The following NLGN1 variants were observed in gnomAD, a reference collection of about 807,000 sequenced individuals.
NLGN1 encodes the protein neuroligin-1.
Under a neutral mutation model 65.5 loss-of-function variants are expected in NLGN1, and 12 were observed. The ratio of observed to expected loss-of-function variants is 0.18; its 90% CI spans 0.12 to 0.30. The LOEUF is 0.30. NLGN1 is among the 10% of genes least tolerant of loss of function. The pLI is 1.00. For missense variants in NLGN1, 750 were observed against 1,007.1 expected, an observed-to-expected ratio of 0.74 and a Z score of 3.46; for synonymous variants, 350 against 359.5, an observed-to-expected ratio of 0.97 and a Z score of 0.30.
intron 4 of NLGN1, among the ~76,000 whole-genome samples, chr3:173,854,013 A>G (rs952813886): frequency 2.0e-5 from 3 of 152,014 alleles, no homozygotes; most frequent in African/African-American, 7.2e-5. Context: ...TTAACATATA[A>G]CACTCTGATC....
At chr3:174,088,101 A>G (rs1366240603) in intron 4 of NLGN1, among the ~76,000 whole-genome samples, 1 of 152,224 alleles carries the variant, frequency 6.6e-6, no homozygotes, top group Admixed American at 6.5e-5. Flanking sequence ...AAGATATAAA[A>G]TAAAGTAATA....
chr3:174,037,156 A>G (rs1227893922), intron 4 of NLGN1, among the ~76,000 whole-genome samples: 5 of 152,126 alleles, frequency 3.3e-5, no homozygotes, highest in Non-Finnish European at 5.9e-5. Context: ...TTCTGTTTTT[A>G]GGTCTTTGAG....
intron 2 of NLGN1, among the ~76,000 whole-genome samples, chr3:173,579,192 C>A (rs1236468945): frequency 6.6e-6 from 1 of 152,208 alleles, no homozygotes; most frequent in East Asian, 1.9e-4. Context: ...GCTAAAATAT[C>A]TAGTCTTGGG....
chr3:174,117,286 TTA>T (rs1378770370), intron 4 of NLGN1, among the ~76,000 whole-genome samples: 1 of 151,536 alleles, frequency 6.6e-6, no homozygotes. Context: ...TTTCTTGAGT[TTA>T]TATATATAAT....
chr3:173,803,665 A>T (rs1715977179), intron 3 of NLGN1, among the ~76,000 whole-genome samples: 1 of 152,020 alleles, frequency 6.6e-6, no homozygotes, highest in East Asian at 1.9e-4. Flanking sequence ...TTTTTTGTAG[A>T]TTTTGAATAT....
chr3:173,523,795 G>A (rs1224376062), intron 2 of NLGN1, among the ~76,000 whole-genome samples: 1 of 151,498 alleles, frequency 6.6e-6, no homozygotes, highest in Admixed American at 6.6e-5. Context: ...TGTGAAAAAT[G>A]GCATTGACCA....
At chr3:173,755,058 G>T (rs1776886649) in intron 3 of NLGN1, among the ~76,000 whole-genome samples, 1 of 152,056 alleles carries the variant, frequency 6.6e-6, no homozygotes, top group African/African-American at 2.4e-5. Flanking sequence ...GTGTAAGAGA[G>T]AACATCATTT....
At chr3:174,187,371 T>A (rs973355501) in intron 4 of NLGN1, among the ~76,000 whole-genome samples, 2 of 152,028 alleles carry the variant, frequency 1.3e-5, no homozygotes, top group Admixed American at 1.3e-4. Flanking sequence ...TATTGACTTA[T>A]AATCTGGATG....
chr3:173,533,678 G>T (rs1324731611), intron 2 of NLGN1, among the ~76,000 whole-genome samples: 1 of 151,986 alleles, frequency 6.6e-6, no homozygotes, highest in Non-Finnish European at 1.5e-5. Context: ...TAGAAGCAAG[G>T]TTGATCATGT....
At chr3:173,845,073 C>A (rs946958512) in intron 4 of NLGN1, among the ~76,000 whole-genome samples, 4 of 152,156 alleles carry the variant, frequency 2.6e-5, no homozygotes, top group Non-Finnish European at 4.4e-5. Flanking sequence ...TATCAATGAC[C>A]TTAAAAGATA....
rs1174513532 is a variant in NLGN1, at chr3:173,735,321, C to CT, written c.494-72357dup. ...GAGTTTATTTTCATTCCTTTTCTCC[C>CT]TTGCACATGGAACTACTGAAACACT... On this transcript the variant is annotated intron_variant, in intron 3 of 6. Coordinates refer to ENST00000457714, the Ensembl canonical transcript of NLGN1. Among the ~76,000 whole-genome samples the CT allele has an allele frequency of 2.6e-5, 4 of 152,148 alleles. No homozygotes were observed. In the East Asian group the frequency reaches 7.7e-4, roughly 29 times the overall value.
At chr3:173,874,753 G>A (rs940052376) in intron 4 of NLGN1, among the ~76,000 whole-genome samples, 2 of 152,118 alleles carry the variant, frequency 1.3e-5, no homozygotes, top group Non-Finnish European at 2.9e-5. Flanking sequence ...AAAAGCTTAG[G>A]ATTAGAGACC....
intron 2 of NLGN1, among the ~76,000 whole-genome samples, chr3:173,497,303 G>A (rs575181031): frequency 2.8e-4 from 43 of 151,554 alleles, no homozygotes; most frequent in East Asian, 5.8e-4. Flanking sequence ...CAAGAGAATC[G>A]CTTGAATTCG....
intron 3 of NLGN1, among the ~76,000 whole-genome samples, chr3:173,740,422 A>G (rs983873849): frequency 6.6e-6 from 1 of 152,114 alleles, no homozygotes; most frequent in African/African-American, 2.4e-5. Context: ...TATTTTGCAC[A>G]TAGCACATTG....
At chr3:174,105,749 A>C (rs1443785046) in intron 4 of NLGN1, among the ~76,000 whole-genome samples, 1 of 151,836 alleles carries the variant, frequency 6.6e-6, no homozygotes, top group African/African-American at 2.4e-5. Context: ...TAGCATTTCC[A>C]CATTTTACCT....
chr3:174,095,603 A>G (rs1292424438), intron 4 of NLGN1, among the ~76,000 whole-genome samples: 1 of 151,648 alleles, frequency 6.6e-6, no homozygotes, highest in Non-Finnish European at 1.5e-5. Flanking sequence ...TTGTATATAT[A>G]CACACATGTA....
At chr3:174,056,777 A>G (rs927993980) in intron 4 of NLGN1, among the ~76,000 whole-genome samples, 3 of 152,102 alleles carry the variant, frequency 2.0e-5, no homozygotes, top group Admixed American at 6.6e-5. Context: ...CAGTTTTAAT[A>G]AATTGAGAAG....
chr3:173,695,544 C>G (rs1334454052), intron 3 of NLGN1: 1 of 346,292 alleles, frequency 2.9e-6, no homozygotes. Context: ...TTTTATCTTA[C>G]TATTTTTCAG....
intron 2 of NLGN1, among the ~76,000 whole-genome samples, chr3:173,567,744 G>A (rs1457666752): frequency 1.3e-5 from 2 of 151,826 alleles, no homozygotes; most frequent in Non-Finnish European, 2.9e-5. Context: ...TCCACATACA[G>A]GTTTTCCTTC....
Sources: allele counts gnomAD v4.1 joint callset (sites outside exome capture counted in the v4.1 genomes callset), GRCh38; gene constraint gnomAD v4.1.1; transcripts MANE v1.5; gene names NCBI Gene and HGNC (gene_info 2026-07-23, HGNC 2026-07-21).